Variants in PCDHGB3 observed in about 807,000 individuals in gnomAD.
PCDHGB3 encodes protocadherin gamma-B3.
Under a neutral mutation model 59.2 loss-of-function variants are expected in PCDHGB3, and 40 were observed. The ratio of observed to expected loss-of-function variants is 0.68; its 90% confidence interval spans 0.52 to 0.88. The LOEUF is 0.88. PCDHGB3 is among the 40% of genes least tolerant of loss of function. The pLI is 0.00. For synonymous variants in PCDHGB3, 581 were observed against 503.6 expected (o/e 1.15, Z -2.06); for missense variants, 1,309 against 1,187.9 (o/e 1.10, Z -1.50).
chr5:141,425,401 T>C (rs1280463432), intron 1 of PCDHGB3, among the ~76,000 whole-genome samples: 1 of 152,234 alleles, frequency 6.6e-6, no homozygotes, highest in Non-Finnish European at 1.5e-5. Context: ...AAAGTTCTGT[T>C]AAGGTATAAC....
chr5:141,459,595 T>C (rs904266180), intron 1 of PCDHGB3, among the ~76,000 whole-genome samples: 10 of 152,232 alleles, frequency 6.6e-5, no homozygotes, highest in African/African-American at 9.6e-5. Context: ...TCATATGAAA[T>C]GGGAAGTATA....
intron 3 of PCDHGB3, among the ~76,000 whole-genome samples, chr5:141,509,277 T>TC (rs566266970): frequency 0.011 from 1,653 of 152,240 alleles, 22 homozygotes; most frequent in Non-Finnish European, 0.018. Context: ...CGCTACCCGC[T>TC]CCCAGGGTCC....
chr5:141,376,190 G>A (rs759357506), intron 1 of PCDHGB3: 9 of 1,614,116 alleles, frequency 5.6e-6, no homozygotes, highest in Admixed American at 1.7e-5. Flanking sequence ...GGTCTCCTGC[G>A]TCTTCCTGGC....
In PCDHGB3 at chr5:141,397,217, T is replaced by C. The variant is rs534809290; in HGVS notation, c.2415+24408T>C. On this transcript the variant is annotated intron_variant, in intron 1 of 3. Transcript: ENST00000576222. The stretch of plus-strand genomic sequence containing the variant: ...AAAGATATGACATAAGAGAAGTATT[T>C]TGAGATATGAAGAAGAGCAACGTAG... Among the ~76,000 whole-genome samples, 15 of 152,296 alleles carry C rather than the reference T, an allele frequency of 9.8e-5. No individual in the cohort carries two copies. In the East Asian group the frequency reaches 2.5e-3, roughly 25 times the overall value.
chr5:141,387,021 G>A (rs1385427303), intron 1 of PCDHGB3, among the ~76,000 whole-genome samples: 1 of 152,158 alleles, frequency 6.6e-6, no homozygotes, highest in Non-Finnish European at 1.5e-5. Context: ...GAAGATGAAT[G>A]TTGTATTTCA....
chr5:141,491,434 A>T lies in PCDHGB3; in HGVS notation c.2416-3373A>T. 6.2e-7 allele frequency: 1 copy of T among 1,614,032 alleles called. No homozygotes were observed. Among genetic ancestry groups the T allele is most frequent in the Non-Finnish European group, 8.5e-7 (1 of 1,179,988 alleles). On this transcript the variant is annotated intron_variant, in intron 1 of 3. Transcript: ENST00000576222. The surrounding 1 kb of genome is among the most constrained non-coding windows in gnomAD (Gnocchi z 6.9). ...GGACGGGGGTGGAGGGCAGTGCTGC[A>T]GGCGCCAGGACTCACCCTCCCCGGA...
chr5:141,441,370 C>A (rs1378574921), intron 1 of PCDHGB3: 1 of 152,672 alleles, frequency 6.5e-6, no homozygotes, highest in African/African-American at 2.4e-5. Flanking sequence ...GGGCCGTGGA[C>A]CAGGAACAGA....
intron 1 of PCDHGB3, chr5:141,393,928 A>G: frequency 2.5e-6 from 4 of 1,614,004 alleles, no homozygotes; most frequent in South Asian, 2.2e-5. Flanking sequence ...TTGAGTGTGC[A>G]TGACCAAGAC....
chr5:141,420,176 C>CA (rs1162032152), intron 1 of PCDHGB3: 5 of 1,613,874 alleles, frequency 3.1e-6, no homozygotes, highest in Non-Finnish European at 4.2e-6. Flanking sequence ...ATCTGTTGAT[C>CA]ATTGTCCAGC....
At chr5:141,388,353 G>T in intron 1 of PCDHGB3, 1 of 1,613,976 alleles carries the variant, frequency 6.2e-7, no homozygotes, top group Non-Finnish European at 8.5e-7. Context: ...ATTAGGATCT[G>T]CCCATGATGC....
Position 141,431,336 on chromosome 5 carries a change from G to C in PCDHGB3, c.2415+58527G>C, listed in dbSNP as rs1187672228. ...TGGAGCCGACGGTAGTAAGTACCCC[G>C]AATTGGTGCTGAAACGCGCCCTGGA... On this transcript the variant is annotated intron_variant, in intron 1 of 3. Transcript: ENST00000576222. The surrounding 1 kb of genome is among the most constrained non-coding windows in gnomAD (Gnocchi z 4.8). 2.5e-6 allele frequency: 4 copies of C among 1,613,956 alleles called. No individual in the cohort carries two copies. The East Asian group carries it at 6.7e-5, about 27-fold the overall frequency.
At chr5:141,385,250 G>A (rs1448897004) in intron 1 of PCDHGB3, 2 of 1,613,820 alleles carry the variant, frequency 1.2e-6, no homozygotes, top group Admixed American at 1.7e-5. Flanking sequence ...AGCCAGGAGA[G>A]CTGTGAGAAA....
At position 141,400,239 on chromosome 5, in the gene PCDHGB3, T is replaced by G. The variant is rs1306520918; in HGVS notation, c.2415+27430T>G. Reference sequence around the variant, plus strand: ...CAGTGCTCTTCCTCCTGGCCGTGATTCTGGCCGTTGCCTTGCGCCTGCGAC... The same window carrying G: ...CAGTGCTCTTCCTCCTGGCCGTGATGCTGGCCGTTGCCTTGCGCCTGCGAC... On this transcript the variant is annotated intron_variant, in intron 1 of 3. Coordinates refer to ENST00000576222, the MANE Select transcript of PCDHGB3 (RefSeq NM_018924.5). 1.9e-6 allele frequency: 3 copies of G among 1,614,054 alleles called. No individual in the cohort carries two copies. The highest frequency in any genetic ancestry group is 2.2e-5 in the East Asian group (1 of 44,880).
At chr5:141,373,899 T>C in intron 1 of PCDHGB3, 1 of 545,494 alleles carries the variant, frequency 1.8e-6, no homozygotes. Flanking sequence ...TCAAGTTACA[T>C]CCTCCAACAA....
chr5:141,507,495 G>A (rs375483743), intron 3 of PCDHGB3, among the ~76,000 whole-genome samples: 5 of 152,352 alleles, frequency 3.3e-5, no homozygotes, highest in East Asian at 3.9e-4. Flanking sequence ...AGGCAGAGCT[G>A]TCCCAGGTCT....
At chr5:141,400,172 C>G in intron 1 of PCDHGB3, 1 of 1,614,082 alleles carries the variant, frequency 6.2e-7, no homozygotes, top group Non-Finnish European at 8.5e-7. Context: ...GACCCCCAGG[C>G]TGAGCTGCAG....
chr5:141,383,562 C>T (rs1371686723), intron 1 of PCDHGB3: 2 of 1,613,098 alleles, frequency 1.2e-6, no homozygotes, highest in Non-Finnish European at 1.7e-6. Context: ...GCGACCCGCC[C>T]CGATCCAGCA....
At position 141,419,408 on chromosome 5, in the gene PCDHGB3, C is replaced by T. The variant is rs534591654; in HGVS notation, c.2415+46599C>T. On this transcript the variant is annotated intron_variant, in intron 1 of 3. Coordinates refer to ENST00000576222, the MANE Select transcript of PCDHGB3 (RefSeq NM_018924.5). ...CGCGCAGAGCGGGGTGGTGTTCGCG[C>T]AGCGCGCCTTCGACCACGAGCAGCT... 6.2e-6 allele frequency: 10 copies of T among 1,613,508 alleles called. No individual in the cohort carries two copies. The African/African-American group carries it at 1.3e-4, about 21-fold the overall frequency.
Position 141,511,378 on chromosome 5 carries a change from T to C in PCDHGB3, c.*205T>C. 1 of 1,202,114 alleles carries C rather than the reference T, an allele frequency of 8.3e-7. No homozygotes were observed. The highest frequency in any genetic ancestry group is 1.1e-6 in the Non-Finnish European group (1 of 882,194). The allele number at this position is 1,202,114 out of a possible 1,614,324, so 74.5% of individuals were successfully genotyped here. A position where few individuals can be genotyped will look rare whatever the true frequency, so the allele number is the denominator to read the frequency against. On this transcript the variant is annotated 3_prime_UTR_variant, in exon 4 of 4. Coordinates refer to ENST00000576222, the MANE Select transcript of PCDHGB3 (RefSeq NM_018924.5). ...AGGGGGTTGAATATGCAAAAGCAGT[T>C]CCGCTGGGAACCCCCATCCAATCAA...
Sources: gnomAD v4.1 joint callset for allele counts (sites outside exome capture counted in the v4.1 genomes callset) on GRCh38, gnomAD v4.1.1 for gene constraint, Gnocchi (gnomAD v3.1) non-coding constraint, MANE v1.5 for transcripts, NCBI Gene and HGNC (gene_info 2026-07-23, HGNC 2026-07-21) for gene names.